Variants in ZC3H12B observed in about 807,000 individuals in gnomAD.
The protein encoded by ZC3H12B is zinc finger CCCH-type containing 12B.
A neutral mutation model predicts 43.9 loss-of-function variants in ZC3H12B; 7 were observed. That is an observed-to-expected ratio of 0.16 (90% CI 0.09 to 0.30). The LOEUF (loss-of-function observed/expected upper bound fraction) is 0.30. ZC3H12B is among the 10% of genes least tolerant of loss of function. The probability of loss-of-function intolerance (pLI) is 1.00; values close to 1 mark genes in which losing one functional copy is unlikely to be tolerated. For synonymous variants in ZC3H12B, 222 were observed against 241.7 expected (o/e 0.92, Z 0.76); for missense variants, 475 against 670.2 (o/e 0.71, Z 3.22).
chrX:65,198,258 A>T, the ZC3H12B span, among the ~76,000 whole-genome samples: 2 of 112,436 alleles, frequency 1.8e-5, no homozygotes, highest in South Asian at 7.3e-4. Flanking sequence ...GACTCAAGAC[A>T]TGAATAGTTT....
chrX:65,122,777 A>T, the ZC3H12B span, among the ~76,000 whole-genome samples: 1 of 111,624 alleles, frequency 9.0e-6, no homozygotes, highest in Non-Finnish European at 1.9e-5. Context: ...AAAGATCAAA[A>T]GAGACAAAGA....
At chrX:65,172,223 A>C in the ZC3H12B span, among the ~76,000 whole-genome samples, 3 of 112,614 alleles carry the variant, frequency 2.7e-5, no homozygotes, top group Non-Finnish European at 5.6e-5. Flanking sequence ...TATTGGCTAC[A>C]TAAATGTTTT....
the ZC3H12B span, among the ~76,000 whole-genome samples, chrX:65,162,466 C>CT: frequency 1.8e-5 from 2 of 111,520 alleles, no homozygotes; most frequent in African/African-American, 3.3e-5. Flanking sequence ...TTGTTCATTG[C>CT]TTTTTATTCT....
chrX:65,159,593 G>C, the ZC3H12B span, among the ~76,000 whole-genome samples: 1 of 111,888 alleles, frequency 8.9e-6, no homozygotes, highest in South Asian at 3.7e-4. Flanking sequence ...GAATGCTTGT[G>C]ATATATGTAC....
intron 3 of ZC3H12B, among the ~76,000 whole-genome samples, chrX:65,414,457 A>T (rs899510059): frequency 2.7e-5 from 3 of 110,365 alleles, no homozygotes; most frequent in Non-Finnish European, 5.7e-5. Context: ...TTTTTGTCTA[A>T]TTTTTCTGTT....
At chrX:65,187,332 G>T in the ZC3H12B span, 3 of 109,557 alleles carry the variant, frequency 2.7e-5, no homozygotes, top group East Asian at 5.8e-4. Flanking sequence ...GGGTAAAAGG[G>T]TCAAGGCTCA....
chrX:65,224,080 A>G, the ZC3H12B span, among the ~76,000 whole-genome samples: 1 of 112,812 alleles, frequency 8.9e-6, no homozygotes, highest in African/African-American at 3.2e-5. Context: ...GAAGGTGTAA[A>G]GAAACTGTGG....
At chrX:65,430,358 T>G (rs2067141661) in intron 3 of ZC3H12B, among the ~76,000 whole-genome samples, 1 of 109,975 alleles carries the variant, frequency 9.1e-6, no homozygotes, top group African/African-American at 3.3e-5. Flanking sequence ...TTTTTTTTTT[T>G]TAAACTTTAA....
At chrX:65,064,840 T>C in the ZC3H12B span, among the ~76,000 whole-genome samples, 4 of 112,186 alleles carry the variant, frequency 3.6e-5, no homozygotes, top group Non-Finnish European at 7.5e-5. Context: ...ATTGGGTGCA[T>C]ATATATTTAG....
chrX:65,428,088 C>T (rs2067106447), intron 3 of ZC3H12B, among the ~76,000 whole-genome samples: 1 of 112,008 alleles, frequency 8.9e-6, no homozygotes, highest in East Asian at 2.8e-4. Context: ...GAATACTGGC[C>T]TACAATCTCT....
At chrX:65,179,318 G>T in the ZC3H12B span, among the ~76,000 whole-genome samples, 1 of 109,553 alleles carries the variant, frequency 9.1e-6, no homozygotes, top group Non-Finnish European at 1.9e-5. Context: ...ATGACGGGTT[G>T]ATGGTTGCAG....
the ZC3H12B span, among the ~76,000 whole-genome samples, chrX:65,076,402 G>A: frequency 1.7e-3 from 194 of 111,003 alleles, 1 homozygote; most frequent in African/African-American, 5.9e-3. Flanking sequence ...ATCTTCCAAA[G>A]CACTGGGATT....
chrX:65,166,524 T>C, the ZC3H12B span, among the ~76,000 whole-genome samples: 2 of 112,169 alleles, frequency 1.8e-5, no homozygotes, highest in Non-Finnish European at 3.8e-5. Flanking sequence ...TGTGTGTTTA[T>C]AGCAGCATCA....
chrX:65,460,594 A>C (rs1423099700), intron 3 of ZC3H12B, among the ~76,000 whole-genome samples: 5 of 112,228 alleles, frequency 4.5e-5, no homozygotes, highest in Non-Finnish European at 9.4e-5. Context: ...ACCTGACAAA[A>C]ACAAGAAATG....
chrX:65,333,717 G>A, the ZC3H12B span, among the ~76,000 whole-genome samples: 2 of 111,418 alleles, frequency 1.8e-5, no homozygotes, highest in African/African-American at 6.5e-5. Context: ...AAAAACACCT[G>A]TTAGAGTTCT....
intron 3 of ZC3H12B, among the ~76,000 whole-genome samples, chrX:65,435,681 GATA>G (rs2067212659): frequency 9.0e-6 from 1 of 110,912 alleles, no homozygotes; most frequent in African/African-American, 3.3e-5. Flanking sequence ...TAGATAGATA[GATA>G]GATAGATAGA....
intron 2 of ZC3H12B, among the ~76,000 whole-genome samples, chrX:65,378,380 T>A (rs745912570): frequency 9.0e-6 from 1 of 111,415 alleles, no homozygotes; most frequent in East Asian, 2.8e-4. Context: ...TAAAGAGTGT[T>A]AAGACTTTAT....
the ZC3H12B span, among the ~76,000 whole-genome samples, chrX:65,113,566 A>T: frequency 2.4e-5 from 2 of 83,640 alleles, no homozygotes; most frequent in Non-Finnish European, 4.1e-5. Flanking sequence ...CTTGTTTTAT[A>T]AAAAAAAAAA....
the ZC3H12B span, among the ~76,000 whole-genome samples, chrX:65,160,753 T>C: frequency 8.9e-6 from 1 of 111,900 alleles, no homozygotes; most frequent in African/African-American, 3.2e-5. Flanking sequence ...TTTGTGTCTC[T>C]ATTTCCTTCA....
Sources: allele counts gnomAD v4.1 joint callset (sites outside exome capture counted in the v4.1 genomes callset), GRCh38; gene constraint gnomAD v4.1.1; transcripts MANE v1.5; gene names NCBI Gene and HGNC (gene_info 2026-07-23, HGNC 2026-07-21).